SDE2: variants seen among roughly 807,000 people sequenced by gnomAD.
SDE2 encodes the protein spliceosome associated SDE2.
Under a neutral mutation model 46.9 loss-of-function variants are expected in SDE2, and 31 were observed. The ratio of observed to expected loss-of-function variants is 0.66; its 90% confidence interval spans 0.50 to 0.89. SDE2 has a LOEUF of 0.89. Among genes scored for constraint, SDE2 ranks in the 40% least tolerant of loss-of-function variants. The probability of loss-of-function intolerance (pLI) is 0.00; values close to 1 mark genes in which losing one functional copy is unlikely to be tolerated. For missense variants in SDE2, 542 were observed against 564.4 expected (o/e 0.96, Z 0.40); for synonymous variants, 205 against 204.3 (o/e 1.00, Z -0.03).
chr1:225,992,269 TCATCAGA>T (rs1427740612), intron 4 of SDE2, 122 bp downstream of exon 4: 8 of 602,420 alleles, frequency 1.3e-5, no homozygotes, highest in Non-Finnish European at 2.0e-5. Context: ...GCCAAGGTTT[TCATCAGA>T]TTCTCAGACA....
chr1:225,987,572 T>C (rs1427960499), intron 6 of SDE2, among the ~76,000 whole-genome samples: 3 of 152,222 alleles, frequency 2.0e-5, no homozygotes, highest in Admixed American at 6.5e-5. Flanking sequence ...CCCTCATTCA[T>C]GTATTACTAA....
chr1:225,988,001 T>C lies in SDE2; in HGVS notation c.1029A>G (p.Lys343=). 1 of 1,614,230 alleles carries C rather than the reference T, an allele frequency of 6.2e-7. No homozygotes were observed. Among genetic ancestry groups the C allele is most frequent in the South Asian group, 1.1e-5 (1 of 91,088 alleles). The part of the protein sequence containing the change: ...EPTGAGLNKD[K]ETEERTDGER... ...CCCCATCAGTCCTTTCTTCTGTCTC[T>C]TTATCCTTATTCAGTCCAGCCCCAG... is the stretch of plus-strand genomic sequence containing the variant. Residue 343 remains lysine, a synonymous_variant, in exon 6 of 7, where the codon AAA becomes AAG. Coordinates refer to ENST00000272091, the MANE Select transcript of SDE2 (RefSeq NM_152608.4).
In SDE2 at chr1:225,999,175, A is replaced by G; in HGVS notation, c.120+18T>C. On this transcript the variant is annotated intron_variant, in intron 1 of 6. Coordinates refer to ENST00000272091, the MANE Select transcript of SDE2 (RefSeq NM_152608.4). ...TGTCTGCCTCTTTCTCCTTCCTAAC[A>G]GGAACCGAAATCCTCACCTGATCTT... The G allele has an allele frequency of 1.2e-6, 2 of 1,605,316 alleles. No individual in the cohort carries two copies. The highest frequency in any genetic ancestry group is 1.1e-5 in the South Asian group (1 of 90,478).
In SDE2 at chr1:225,992,584, A is replaced by G; in HGVS notation, c.351-17T>C. On this transcript the variant is annotated splice_polypyrimidine_tract_variant and intron_variant, in intron 3 of 6. Transcript: ENST00000272091. ...TCAGCCATTCTGGGGATGAGGGAGG[A>G]AGAGATATAACTGAATAGATATATT... The G allele has an allele frequency of 6.4e-7, 1 of 1,556,258 alleles. No individual in the cohort carries two copies. Among genetic ancestry groups the G allele is most frequent in the East Asian group, 2.2e-5 (1 of 44,562 alleles).
At chr1:225,999,082 G>C (rs1324946549) in intron 1 of SDE2, 111 bp downstream of exon 1, 2 of 823,546 alleles carry the variant, frequency 2.4e-6, no homozygotes, top group Non-Finnish European at 4.0e-6. Context: ...GCCTCAACGA[G>C]TGAAAACCCC....
chr1:225,991,355 C>A lies in SDE2; in HGVS notation c.529G>T (p.Ala177Ser), dbSNP rs1307778107. 6.2e-7 allele frequency: 1 copy of A among 1,612,998 alleles called. No homozygotes were observed. Among genetic ancestry groups the A allele is most frequent in the Non-Finnish European group, 8.5e-7 (1 of 1,179,182 alleles). The change falls in exon 5 of 7, where the codon GCT becomes TCT. Residue 177 changes from alanine to serine, a missense_variant. Transcript: ENST00000272091. ...LEDSVLKGMQ[A>S]ASSKMVSAEI... ...GCTGAAACCATCTTGCTGGAGGCAG[C>A]CTGCATACCTAACCAGAAATTTTAA...
chr1:225,990,461 G>A (rs952613502), intron 5 of SDE2, among the ~76,000 whole-genome samples: 5 of 152,074 alleles, frequency 3.3e-5, no homozygotes, highest in African/African-American at 1.2e-4. Flanking sequence ...CTAGATTGTG[G>A]TGATGGTAAC....
chr1:225,992,338 A>C, intron 4 of SDE2, 60 bp downstream of exon 4: 1 of 1,245,190 alleles, frequency 8.0e-7, no homozygotes, highest in South Asian at 1.2e-5. Context: ...AGTGTAGAGC[A>C]GTCTGAACAG....
chr1:225,989,482 A>T (rs1313205123), intron 5 of SDE2, among the ~76,000 whole-genome samples: 2 of 151,692 alleles, frequency 1.3e-5, no homozygotes, highest in Non-Finnish European at 2.9e-5. Flanking sequence ...TACAAAAATT[A>T]GCCGGGTGTG....
intron 5 of SDE2, among the ~76,000 whole-genome samples, chr1:225,989,380 G>A (rs966016931): frequency 2.6e-5 from 4 of 151,534 alleles, no homozygotes; most frequent in African/African-American, 4.8e-5. Flanking sequence ...TGTAATCCCA[G>A]CACTTTGGGA....
intron 5 of SDE2, among the ~76,000 whole-genome samples, chr1:225,990,710 A>T (rs1304865582): frequency 6.6e-6 from 1 of 152,206 alleles, no homozygotes; most frequent in African/African-American, 2.4e-5. Context: ...GTTTATCCCC[A>T]AAGGGGATAA....
chr1:225,989,305 A>AT (rs1656340815), intron 5 of SDE2, among the ~76,000 whole-genome samples: 2 of 115,334 alleles, frequency 1.7e-5, no homozygotes, highest in African/African-American at 7.6e-5. Context: ...AAAAAAAAAA[A>AT]AAAATAATAA....
chr1:225,992,684 AG>A, intron 3 of SDE2, 117 bp from the exon 4 acceptor site: 1 of 746,634 alleles, frequency 1.3e-6, no homozygotes. Flanking sequence ...TCTCTTAGAA[AG>A]GTGAGCCATG....
chr1:225,995,137 A>G (rs1484446580), intron 2 of SDE2, 129 bp downstream of exon 2: 2 of 617,854 alleles, frequency 3.2e-6, no homozygotes, highest in Non-Finnish European at 5.9e-6. Flanking sequence ...TTGGCATACT[A>G]AAGAGACTAA....
At chr1:225,998,926 AAAGT>A (rs1337647096) in intron 1 of SDE2, among the ~76,000 whole-genome samples, 1 of 152,012 alleles carries the variant, frequency 6.6e-6, no homozygotes, top group Non-Finnish European at 1.5e-5. Context: ...AAAGAGAAAC[AAAGT>A]ATTTGTAACT....
intron 1 of SDE2, among the ~76,000 whole-genome samples, chr1:225,998,909 G>A (rs1239129441): frequency 2.0e-5 from 3 of 152,036 alleles, no homozygotes; most frequent in Non-Finnish European, 4.4e-5. Flanking sequence ...TATATTTACG[G>A]ATAAAGAAAG....
intron 2 of SDE2, among the ~76,000 whole-genome samples, chr1:225,993,593 CAG>C (rs1198559912): frequency 6.7e-6 from 1 of 150,186 alleles, no homozygotes; most frequent in Non-Finnish European, 1.5e-5. Context: ...GCCTGGGAAA[CAG>C]AGCCAGGCTC....
chr1:225,999,104 G>A (rs1424001889), intron 1 of SDE2, 89 bp downstream of exon 1: 2 of 1,046,872 alleles, frequency 1.9e-6, no homozygotes, highest in Non-Finnish European at 2.9e-6. Context: ...GAGAATAAAC[G>A]TACCCCCGCC....
Position 225,990,088 on chromosome 1 carries a change from A to C in SDE2, c.641+1155T>G, listed in dbSNP as rs1272084190. ...AGGAACCTGTCTCAAAAAAAAAAAA[A>C]ACACACACAAAAAAAACACCCATGC... On this transcript the variant is annotated intron_variant, in intron 5 of 6. Transcript: ENST00000272091. Among the ~76,000 whole-genome samples the C allele has an allele frequency of 5.7e-4, 87 of 151,834 alleles. 1 individual carries two copies. The highest frequency in any genetic ancestry group is 8.7e-4 in the Non-Finnish European group (59 of 67,932).
Sources: gnomAD v4.1 joint callset for allele counts (sites outside exome capture counted in the v4.1 genomes callset) on GRCh38, gnomAD v4.1.1 for gene constraint, MANE v1.5 for transcripts, NCBI Gene and HGNC (gene_info 2026-07-23, HGNC 2026-07-21) for gene names.